VAV1: variants seen among roughly 807,000 people sequenced by gnomAD.
VAV1 encodes the protein proto-oncogene vav.
In VAV1, 33 loss-of-function variants were observed where a neutral mutation model predicts 128.1. That is an observed-to-expected ratio of 0.26 (90% confidence interval 0.20 to 0.34). The LOEUF is 0.34. Ranked by LOEUF, VAV1 falls within the 10% of genes least tolerant of loss-of-function variation. VAV1 has a pLI of 1.00. For missense variants in VAV1, 715 were observed against 1,093.7 expected (o/e 0.65, Z 4.88); for synonymous variants, 394 against 409.8 (o/e 0.96, Z 0.47).
In VAV1 at chr19:6,818,697, A is replaced by G. The variant is rs1031777592; in HGVS notation, c.205-2005A>G. Among the ~76,000 whole-genome samples the G allele has an allele frequency of 7.2e-5, 11 of 152,290 alleles. No individual in the cohort carries two copies. In the South Asian group the frequency reaches 1.9e-3, roughly 26 times the overall value. On this transcript the variant is annotated intron_variant, in intron 1 of 26. Transcript: ENST00000602142. ...TGTGGGCCCTAATGCACTGTGACTG[A>G]TGTCCTTATAAGAAGAGTAAACTAG...
chr19:6,852,921 G>A (rs759909334), intron 24 of VAV1, 44 bp from the exon 25 acceptor site: 1 of 1,548,462 alleles, frequency 6.5e-7, no homozygotes. Flanking sequence ...CCCCTTATGG[G>A]CTGGCCCGCT....
intron 6 of VAV1, among the ~76,000 whole-genome samples, chr19:6,823,841 A>G (rs1049857267): frequency 6.6e-6 from 1 of 152,196 alleles, no homozygotes; most frequent in Non-Finnish European, 1.5e-5. Flanking sequence ...ATACAGTTCA[A>G]TGGTTTTTGG....
At chr19:6,848,591 C>T (rs922195297) in intron 23 of VAV1, among the ~76,000 whole-genome samples, 2 of 151,626 alleles carry the variant, frequency 1.3e-5, no homozygotes, top group African/African-American at 4.8e-5. Flanking sequence ...TTAGTAGATA[C>T]GGGGTTTCTC....
chr19:6,807,989 C>CAAAAAAAAAAAAAAAA (rs980612666), intron 1 of VAV1, among the ~76,000 whole-genome samples: 1 of 52,292 alleles, frequency 1.9e-5, no homozygotes, highest in African/African-American at 6.8e-5. Context: ...GACTCTGTCT[C>CAAAAAAAAAAAAAAAA]AAAAAAAAAA....
intron 6 of VAV1, among the ~76,000 whole-genome samples, chr19:6,823,521 A>AT (rs1279853874): frequency 6.6e-6 from 1 of 151,464 alleles, no homozygotes; most frequent in African/African-American, 2.4e-5. Context: ...TATTTTATAT[A>AT]TATTTTTTGT....
chr19:6,791,694 T>C (rs1971021251), intron 1 of VAV1, among the ~76,000 whole-genome samples: 1 of 152,036 alleles, frequency 6.6e-6, no homozygotes, highest in Admixed American at 6.6e-5. Flanking sequence ...TTCCAGACAG[T>C]AAACAAATAG....
In VAV1 at chr19:6,834,093, T is replaced by C; in HGVS notation, c.1777+140T>C. ...AGCTCACACCTGTAATCCCAACAAT[T>C]TGGGAGGCCAAGGCGGGAGGATCGC... On this transcript the variant is annotated intron_variant, in intron 19 of 26. Transcript: ENST00000602142. 14 of 1,262,806 alleles carry C rather than the reference T, an allele frequency of 1.1e-5. 1 individual carries two copies. The highest frequency in any genetic ancestry group is 1.6e-5 in the Non-Finnish European group (14 of 891,430). 78.2% of individuals were successfully genotyped at this position (1,262,806 alleles called of 1,614,324 possible). A position where few individuals can be genotyped will look rare whatever the true frequency, so the allele number is the denominator to read the frequency against.
chr19:6,812,940 C>G (rs1971544031), intron 1 of VAV1, among the ~76,000 whole-genome samples: 1 of 152,112 alleles, frequency 6.6e-6, no homozygotes, highest in African/African-American at 2.4e-5. Flanking sequence ...CTTGAAACGT[C>G]CAGCCCTTTT....
chr19:6,848,441 C>T (rs987181077), intron 23 of VAV1, among the ~76,000 whole-genome samples: 1 of 151,246 alleles, frequency 6.6e-6, no homozygotes, highest in Admixed American at 6.6e-5. Flanking sequence ...GACAGAGTCC[C>T]TTTGTCGCCC....
In VAV1 at chr19:6,772,805, G is replaced by C. The variant is rs1229732766; in HGVS notation, c.-3G>C. ...CACGGCCGGCCCTGGGCAGGCGGTAGCCATGGAGCTGTGGCGCCAATGCAC... is the reference window on the plus strand; with the variant it reads ...CACGGCCGGCCCTGGGCAGGCGGTACCCATGGAGCTGTGGCGCCAATGCAC... On this transcript the variant is annotated 5_prime_UTR_variant, in exon 1 of 27. Coordinates refer to ENST00000602142, the MANE Select transcript of VAV1 (RefSeq NM_005428.4). This position sits in a 1 kb window ranked among gnomAD's most constrained non-coding sequence, Gnocchi z 4.8. The C allele has an allele frequency of 1.2e-6, 2 of 1,612,688 alleles. No homozygotes were observed. Among genetic ancestry groups the C allele is most frequent in the Non-Finnish European group, 1.7e-6 (2 of 1,179,530 alleles).
chr19:6,796,890 C>T (rs2144723564), intron 1 of VAV1, among the ~76,000 whole-genome samples: 1 of 152,296 alleles, frequency 6.6e-6, no homozygotes, highest in East Asian at 1.9e-4. Context: ...TGGTTCATAG[C>T]TGTATCTCCA....
chr19:6,814,668 C>CTTTT, intron 1 of VAV1, among the ~76,000 whole-genome samples: 1 of 75,392 alleles, frequency 1.3e-5, no homozygotes, highest in East Asian at 3.5e-4. Context: ...TCCTTCCTTC[C>CTTTT]TTCCTTTCTT....
rs540074087 is a variant in VAV1, at chr19:6,814,671, C to CTTTCCTTCTTTCTTT, written c.205-6031_205-6030insTTTCCTTCTTTCTTT. Among the ~76,000 whole-genome samples the CTTTCCTTCTTTCTTT allele has an allele frequency of 2.1e-3, 53 of 25,800 alleles. 1 individual carries two copies. Among genetic ancestry groups the CTTTCCTTCTTTCTTT allele is most frequent in the Admixed American group, 6.1e-3 (10 of 1,648 alleles). 16.9% of individuals were successfully genotyped at this position (25,800 alleles called of 152,430 possible). ...TCCTTCCTTCCTTCCTTCCTTCCTT[C>CTTTCCTTCTTTCTTT]CTTTCTTTCTTTCTTTCTTTCTTTC... On this transcript the variant is annotated intron_variant, in intron 1 of 26. Coordinates refer to ENST00000602142, the MANE Select transcript of VAV1 (RefSeq NM_005428.4).
chr19:6,810,357 G>A (rs1599643879), intron 1 of VAV1, among the ~76,000 whole-genome samples: 5 of 152,032 alleles, frequency 3.3e-5, no homozygotes, highest in South Asian at 2.1e-4. Flanking sequence ...AAATAAACCC[G>A]ACTTTCAAAA....
chr19:6,826,465 T>C lies in VAV1; in HGVS notation c.828-147T>C. On this transcript the variant is annotated intron_variant, in intron 8 of 26. Coordinates refer to ENST00000602142, the MANE Select transcript of VAV1 (RefSeq NM_005428.4). This position sits in a 1 kb window ranked among gnomAD's most constrained non-coding sequence, Gnocchi z 4.1. ...TGCTACAATAGCCTCACATGGGAGATGCTATTGTTATGCCCATTTCACAGA... is the reference window on the plus strand; with the variant it reads ...TGCTACAATAGCCTCACATGGGAGACGCTATTGTTATGCCCATTTCACAGA... 1 of 631,958 alleles carries C rather than the reference T, an allele frequency of 1.6e-6. No homozygotes were observed. The highest frequency in any genetic ancestry group is 2.9e-6 in the Non-Finnish European group (1 of 348,040). 39.1% of individuals were successfully genotyped at this position (631,958 alleles called of 1,614,324 possible). A position where few individuals can be genotyped will look rare whatever the true frequency, so the allele number is the denominator to read the frequency against.
At chr19:6,850,241 T>G (rs1972635110) in intron 23 of VAV1, among the ~76,000 whole-genome samples, 1 of 133,002 alleles carries the variant, frequency 7.5e-6, no homozygotes, top group African/African-American at 2.9e-5. Flanking sequence ...TTTTTTTTTT[T>G]TTTTGTGATC....
intron 1 of VAV1, among the ~76,000 whole-genome samples, chr19:6,788,072 G>A (rs1045804705): frequency 1.3e-5 from 2 of 151,842 alleles, no homozygotes; most frequent in Non-Finnish European, 2.9e-5. Context: ...GCAAGACTCC[G>A]TCTCAAAAAC....
At chr19:6,848,893 A>G (rs1356272301) in intron 23 of VAV1, among the ~76,000 whole-genome samples, 1 of 151,566 alleles carries the variant, frequency 6.6e-6, no homozygotes, top group African/African-American at 2.4e-5. Context: ...TCCCAGATTC[A>G]GGGGACCCTC....
chr19:6,828,009 C>A lies in VAV1; in HGVS notation c.928-67C>A. ...TCACGTATTTATTCAAATCTATCTG[C>A]ACCCACCCTGCAACTGGCTGTTTCT... On this transcript the variant is annotated intron_variant, in intron 9 of 26. Coordinates refer to ENST00000602142, the MANE Select transcript of VAV1 (RefSeq NM_005428.4). This position sits in a 1 kb window ranked among gnomAD's most constrained non-coding sequence, Gnocchi z 4.5. The A allele has an allele frequency of 7.2e-7, 1 of 1,383,694 alleles. No individual in the cohort carries two copies. Among genetic ancestry groups the A allele is most frequent in the Non-Finnish European group, 1.0e-6 (1 of 971,402 alleles). 85.7% of individuals were successfully genotyped at this position (1,383,694 alleles called of 1,614,324 possible). A position where few individuals can be genotyped will look rare whatever the true frequency, so the allele number is the denominator to read the frequency against.
Sources: gnomAD v4.1 joint callset for allele counts (sites outside exome capture counted in the v4.1 genomes callset) on GRCh38, gnomAD v4.1.1 for gene constraint, Gnocchi (gnomAD v3.1) non-coding constraint, MANE v1.5 for transcripts, NCBI Gene and HGNC (gene_info 2026-07-23, HGNC 2026-07-21) for gene names.